The following SPMIP2 variants were observed in gnomAD, a reference collection of about 807,000 sequenced individuals.
The protein encoded by SPMIP2 is sperm microtubule inner protein 2.
At chr4:158,895,958 C>G in the SPMIP2 span, 3 of 888,498 alleles carry the variant, frequency 3.4e-6, no homozygotes, top group Non-Finnish European at 5.4e-6. Flanking sequence ...CCCTAAACCT[C>G]AGGCCCTGGT....
At chr4:159,010,458 A>G in the SPMIP2 span, among the ~76,000 whole-genome samples, 1 of 152,198 alleles carries the variant, frequency 6.6e-6, no homozygotes, top group Non-Finnish European at 1.5e-5. Context: ...ATTCTGGTAA[A>G]GAATCCCCGT....
chr4:158,996,525 G>A, the SPMIP2 span, among the ~76,000 whole-genome samples: 3 of 152,202 alleles, frequency 2.0e-5, no homozygotes, highest in Non-Finnish European at 2.9e-5. Context: ...AGTGCTGCAA[G>A]TAATAGGAAA....
At chr4:159,045,001 G>T in the SPMIP2 span, among the ~76,000 whole-genome samples, 1 of 151,924 alleles carries the variant, frequency 6.6e-6, no homozygotes, top group Non-Finnish European at 1.5e-5. Flanking sequence ...TGAGGCAGGA[G>T]AATCACTTGA....
the SPMIP2 span, among the ~76,000 whole-genome samples, chr4:158,910,614 G>C: frequency 1.3e-5 from 2 of 152,338 alleles, no homozygotes; most frequent in East Asian, 3.9e-4. Context: ...TAATATTTAA[G>C]TCAGTGGACC....
At chr4:159,047,658 C>A in the SPMIP2 span, among the ~76,000 whole-genome samples, 1 of 152,154 alleles carries the variant, frequency 6.6e-6, no homozygotes, top group Non-Finnish European at 1.5e-5. Context: ...TAACTGAAAA[C>A]CCCAGCGAAG....
chr4:159,052,955 ATT>A, the SPMIP2 span, among the ~76,000 whole-genome samples: 1 of 132,072 alleles, frequency 7.6e-6, no homozygotes, highest in African/African-American at 3.0e-5. Flanking sequence ...TATTATTATT[ATT>A]TTTTTTTTTT....
chr4:158,893,594 C>G, the SPMIP2 span: 1 of 991,170 alleles, frequency 1.0e-6, no homozygotes, highest in Non-Finnish European at 1.5e-6. Context: ...GACATCTGTC[C>G]TGGGGCAATA....
the SPMIP2 span, among the ~76,000 whole-genome samples, chr4:158,910,896 A>T: frequency 2.6e-5 from 4 of 152,258 alleles, no homozygotes; most frequent in African/African-American, 9.6e-5. Flanking sequence ...CACAACACAC[A>T]CATCATTGGT....
At chr4:158,900,087 T>C in the SPMIP2 span, among the ~76,000 whole-genome samples, 1 of 152,230 alleles carries the variant, frequency 6.6e-6, no homozygotes, top group Non-Finnish European at 1.5e-5. Flanking sequence ...TATTTCTGCC[T>C]TCATTTCGTT....
chr4:159,044,660 G>T, the SPMIP2 span, among the ~76,000 whole-genome samples: 2 of 152,150 alleles, frequency 1.3e-5, no homozygotes, highest in Non-Finnish European at 2.9e-5. Flanking sequence ...AGGGGAGTTC[G>T]TGAGGGTTTT....
the SPMIP2 span, among the ~76,000 whole-genome samples, chr4:159,066,596 T>TAC: frequency 9.5e-5 from 2 of 21,104 alleles, no homozygotes; most frequent in African/African-American, 3.5e-4. Context: ...ATTTTATATA[T>TAC]ATATATATAT....
chr4:159,053,377 G>T, the SPMIP2 span, among the ~76,000 whole-genome samples: 1 of 152,188 alleles, frequency 6.6e-6, no homozygotes, highest in Admixed American at 6.5e-5. Flanking sequence ...TAAAATACAA[G>T]CATACACGGA....
the SPMIP2 span, among the ~76,000 whole-genome samples, chr4:158,901,875 T>G: frequency 6.6e-6 from 1 of 151,988 alleles, no homozygotes; most frequent in Non-Finnish European, 1.5e-5. Flanking sequence ...TTATTCTAGT[T>G]AGCAATTCAC....
At chr4:158,952,096 A>T in the SPMIP2 span, among the ~76,000 whole-genome samples, 1 of 152,180 alleles carries the variant, frequency 6.6e-6, no homozygotes, top group Non-Finnish European at 1.5e-5. Flanking sequence ...TAGGTATTTC[A>T]TGTTTGCTGA....
chr4:158,901,165 C>G, the SPMIP2 span, among the ~76,000 whole-genome samples: 1 of 123,490 alleles, frequency 8.1e-6, no homozygotes, highest in African/African-American at 3.3e-5. Context: ...CAGAGTCTTG[C>G]TCTGTTGCCC....
chr4:158,941,108 T>C, the SPMIP2 span, among the ~76,000 whole-genome samples: 1 of 152,014 alleles, frequency 6.6e-6, no homozygotes, highest in Non-Finnish European at 1.5e-5. Context: ...TTACAGAGAA[T>C]AGCGCCAGAA....
At chr4:158,911,595 A>G in the SPMIP2 span, among the ~76,000 whole-genome samples, 1 of 152,164 alleles carries the variant, frequency 6.6e-6, no homozygotes, top group South Asian at 2.1e-4. Flanking sequence ...CTAGCACAAA[A>G]TTCAATTCAT....
chr4:158,960,466 T>TCA, the SPMIP2 span: 1 of 582,302 alleles, frequency 1.7e-6, no homozygotes, highest in Non-Finnish European at 3.0e-6. Context: ...AATGCTAAAT[T>TCA]CAGTTAAAAG....
the SPMIP2 span, among the ~76,000 whole-genome samples, chr4:158,921,837 ACTT>A: frequency 4.6e-5 from 7 of 150,926 alleles, no homozygotes; most frequent in South Asian, 1.3e-3. Context: ...ATATTTGTAA[ACTT>A]CTTCTACTAC....
Sources: allele counts gnomAD v4.1 joint callset (sites outside exome capture counted in the v4.1 genomes callset), GRCh38; gene constraint gnomAD v4.1.1; transcripts MANE v1.5; gene names NCBI Gene and HGNC (gene_info 2026-07-23, HGNC 2026-07-21).